Variants in CCDC175 observed in about 807,000 individuals in gnomAD.
CCDC175 encodes coiled-coil domain-containing protein 175.
CCDC175 carries 100 observed loss-of-function variants against 114.6 expected under a neutral mutation model. The ratio of observed to expected loss-of-function variants is 0.87; its 90% CI spans 0.74 to 1.03. The LOEUF is 1.03. Ranked by LOEUF, CCDC175 falls within the 50% of genes least tolerant of loss-of-function variation. The pLI is 0.00. For missense variants in CCDC175, 880 were observed against 917.8 expected, an observed-to-expected ratio of 0.96 and a Z score of 0.53; for synonymous variants, 306 against 308.7, an observed-to-expected ratio of 0.99 and a Z score of 0.09.
At chr14:59,572,015 G>C (rs953526548) in intron 3 of CCDC175, among the ~76,000 whole-genome samples, 3 of 151,930 alleles carry the variant, frequency 2.0e-5, no homozygotes, top group African/African-American at 4.8e-5. Context: ...TATGGATTAA[G>C]GATGTTCAAC....
intron 6 of CCDC175, 91 bp from the exon 7 acceptor site, chr14:59,561,319 C>T: frequency 1.7e-6 from 1 of 601,514 alleles, no homozygotes; most frequent in Non-Finnish European, 2.9e-6. Flanking sequence ...ATGAATTACT[C>T]ATTCAACTTT....
chr14:59,511,137 T>A (rs143181025), intron 18 of CCDC175, among the ~76,000 whole-genome samples: 5 of 152,128 alleles, frequency 3.3e-5, no homozygotes, highest in African/African-American at 9.7e-5. Context: ...AGAAGGAACT[T>A]TGGAATCAGG....
chr14:59,506,603 T>G (rs1347568848), intron 19 of CCDC175, among the ~76,000 whole-genome samples: 1 of 152,184 alleles, frequency 6.6e-6, no homozygotes, highest in Non-Finnish European at 1.5e-5. Flanking sequence ...CAGGGGTTTT[T>G]TAAAATCTCC....
rs536802636 is a variant in CCDC175 at position 59,558,401 on chromosome 14, GA to G, written c.953+2717del. The stretch of plus-strand genomic sequence containing the variant: ...TGTAGAAGGCTCTGGTGGTGATCCA[GA>G]AAAGATCACGGCTGTTCAGGCTAAA... On this transcript the variant is annotated intron_variant, in intron 7 of 19. Coordinates refer to ENST00000537690, the MANE Select transcript of CCDC175 (RefSeq NM_001164399.2). 1.6e-3 allele frequency among the ~76,000 whole-genome samples: 238 copies of G among 152,302 alleles called. 1 individual carries two copies. Among genetic ancestry groups the G allele is most frequent in the Non-Finnish European group, 2.3e-3 (157 of 68,018 alleles).
At position 59,543,467 on chromosome 14, in the gene CCDC175, A is replaced by G. The variant is rs780039506; in HGVS notation, c.1173-13T>C. On this transcript the variant is annotated splice_polypyrimidine_tract_variant and intron_variant, in intron 9 of 19. Coordinates refer to ENST00000537690, the MANE Select transcript of CCDC175 (RefSeq NM_001164399.2). ...CTGTTTCTGATTTCTATCATGAAAA[A>G]CAGAGTTATTTGTTGAAGGCTGACA... 4.6e-5 allele frequency: 53 copies of G among 1,149,802 alleles called. No individual in the cohort carries two copies. Among genetic ancestry groups the G allele is most frequent in the Non-Finnish European group, 4.8e-6 (4 of 834,112 alleles). The allele number at this position is 1,149,802 out of a possible 1,614,324, so 71.2% of individuals were successfully genotyped here.
rs558175042 is a variant in CCDC175, at chr14:59,511,623, A to G, written c.2142+137T>C. On this transcript the variant is annotated intron_variant, in intron 18 of 19. Transcript: ENST00000537690. ...GCATCTAGGACTGCAGGGGAGTGAG[A>G]GAGCTAGTGTGAATTTCCACCCTGA... 15 of 488,962 alleles carry G rather than the reference A, an allele frequency of 3.1e-5. No individual in the cohort carries two copies. In the African/African-American group the frequency reaches 3.6e-4, roughly 12 times the overall value. The allele number at this position is 488,962 out of a possible 1,614,324, so 30.3% of individuals were successfully genotyped here.
intron 5 of CCDC175, chr14:59,564,478 C>T (rs989336444): frequency 6.5e-6 from 1 of 154,954 alleles, no homozygotes; most frequent in African/African-American, 2.4e-5. Context: ...AGATCTGATG[C>T]TGAATTTTAA....
rs550197635 is a variant in CCDC175 at position 59,511,749 on chromosome 14, G to A, written c.2142+11C>T. The A allele has an allele frequency of 3.1e-5, 47 of 1,533,902 alleles. No homozygotes were observed. The highest frequency in any genetic ancestry group is 1.8e-4 in the South Asian group (15 of 83,970). Reference sequence around the variant, plus strand: ...ATTTATATGGAGGCAACAGACACACGCAAAACTCACCTTAACTGTGGTCTG... The same window carrying A: ...ATTTATATGGAGGCAACAGACACACACAAAACTCACCTTAACTGTGGTCTG... On this transcript the variant is annotated intron_variant, in intron 18 of 19. Coordinates refer to ENST00000537690, the MANE Select transcript of CCDC175 (RefSeq NM_001164399.2).
intron 15 of CCDC175, among the ~76,000 whole-genome samples, 175 bp downstream of exon 15, chr14:59,526,920 G>A (rs945626572): frequency 2.3e-4 from 35 of 152,130 alleles, no homozygotes; most frequent in African/African-American, 8.2e-4. Context: ...AGGTGTATGT[G>A]TATACATGTG....
chr14:59,541,455 AAGT>A (rs1267575771), intron 10 of CCDC175, among the ~76,000 whole-genome samples: 1 of 152,208 alleles, frequency 6.6e-6, no homozygotes, highest in Non-Finnish European at 1.5e-5. Flanking sequence ...AAAGCCACAT[AAGT>A]AAAATGCTGC....
At chr14:59,534,081 T>A (rs1189553427) in intron 13 of CCDC175, among the ~76,000 whole-genome samples, 1 of 152,016 alleles carries the variant, frequency 6.6e-6, no homozygotes, top group East Asian at 1.9e-4. Flanking sequence ...TGTATGTGCA[T>A]GCATTAATTC....
chr14:59,546,985 A>T (rs1895149279), intron 8 of CCDC175, among the ~76,000 whole-genome samples: 1 of 152,146 alleles, frequency 6.6e-6, no homozygotes, highest in African/African-American at 2.4e-5. Flanking sequence ...CGTGCCTGTA[A>T]TCCTAGCACT....
intron 17 of CCDC175, among the ~76,000 whole-genome samples, chr14:59,515,955 A>G (rs1292226055): frequency 3.3e-5 from 5 of 152,240 alleles, no homozygotes; most frequent in Non-Finnish European, 5.9e-5. Flanking sequence ...AACAGAAATT[A>G]TAACAAACTG....
rs1162503456 is a variant in CCDC175, at chr14:59,543,345, G to A, written c.1282C>T (p.Gln428Ter). ...EGLITLQELQ[Q>*]ATKTVYQQQI... ...AAATTTCAAAGGCAACAAACATACT[G>A]TTGAAGTTCCTGGAGTGTGATGAGT... is the stretch of plus-strand genomic sequence containing the variant. Residue 428 changes from glutamine (Q) to a stop codon, truncating the protein, a stop_gained and splice_region_variant, in exon 10 of 20, where the codon CAA becomes TAA. Transcript: ENST00000537690. LOFTEE classifies it high-confidence loss of function. 2 of 1,250,544 alleles carry A rather than the reference G, an allele frequency of 1.6e-6. No homozygotes were observed. Among genetic ancestry groups the A allele is most frequent in the Non-Finnish European group, 2.2e-6 (2 of 926,728 alleles). 77.5% of individuals were successfully genotyped at this position (1,250,544 alleles called of 1,614,324 possible). A position where few individuals can be genotyped will look rare whatever the true frequency, so the allele number is the denominator to read the frequency against.
chr14:59,536,468 A>C (rs1228145121), intron 13 of CCDC175, among the ~76,000 whole-genome samples: 2 of 152,024 alleles, frequency 1.3e-5, no homozygotes, highest in African/African-American at 4.8e-5. Context: ...CGTGCTAGAT[A>C]GAAAGCTCCA....
chr14:59,526,149 A>T (rs1353653364), intron 15 of CCDC175, among the ~76,000 whole-genome samples: 1 of 152,196 alleles, frequency 6.6e-6, no homozygotes, highest in Non-Finnish European at 1.5e-5. Context: ...TTCTCTATTC[A>T]GTTCTCTATT....
At chr14:59,507,199 C>A (rs1421705236) in intron 19 of CCDC175, among the ~76,000 whole-genome samples, 2 of 152,222 alleles carry the variant, frequency 1.3e-5, no homozygotes, top group Non-Finnish European at 2.9e-5. Context: ...GATCTCCACT[C>A]AGCCTTGCTA....
At chr14:59,515,913 G>A (rs1173018116) in intron 17 of CCDC175, among the ~76,000 whole-genome samples, 4 of 152,128 alleles carry the variant, frequency 2.6e-5, no homozygotes, top group Non-Finnish European at 4.4e-5. Context: ...CCACATAGTT[G>A]GAACTAAAGC....
intron 16 of CCDC175, 83 bp from the exon 17 acceptor site, chr14:59,521,759 T>C (rs958015290): frequency 1.0e-4 from 78 of 782,056 alleles, no homozygotes; most frequent in Non-Finnish European, 1.6e-4. Context: ...CAAACATGTA[T>C]AAATTCCTCC....
Sources: allele counts gnomAD v4.1 joint callset (sites outside exome capture counted in the v4.1 genomes callset), GRCh38; gene constraint gnomAD v4.1.1; transcripts MANE v1.5; gene names NCBI Gene and HGNC (gene_info 2026-07-23, HGNC 2026-07-21).